Variants in ARVCF observed in about 807,000 individuals in gnomAD.
The protein encoded by ARVCF is ARVCF delta catenin family member.
Under a neutral mutation model 90.9 loss-of-function variants are expected in ARVCF, and 66 were observed. That is an observed-to-expected ratio of 0.73 (90% CI 0.60 to 0.89). The LOEUF (loss-of-function observed/expected upper bound fraction) is 0.89. Among genes scored for constraint, ARVCF ranks in the 40% least tolerant of loss-of-function variants. ARVCF has a pLI of 0.00. For synonymous variants in ARVCF, 653 were observed against 603.4 expected, an observed-to-expected ratio of 1.08 and a Z score of -1.21; for missense variants, 1,469 against 1,382.3, an observed-to-expected ratio of 1.06 and a Z score of -1.00.
At position 19,977,441 on chromosome 22, in the gene ARVCF, C is replaced by A; in HGVS notation, c.1844G>T (p.Ser615Ile). 6.5e-7 allele frequency: 1 copy of A among 1,547,330 alleles called. No homozygotes were observed. Among genetic ancestry groups the A allele is most frequent in the South Asian group, 1.2e-5 (1 of 82,390 alleles). ...TTTGGCCTTCTTGCCTCCAAAGCAG[C>A]TGGCATCATCCCGCCTCCGGCGCTG... ...GSQRRRRDDA[S>I]CFGGKKAKEE... Residue 615 changes from serine (S) to isoleucine (I), a missense_variant, in exon 9 of 20, where the codon AGC becomes ATC. Physicochemically the swap from Ser to Ile is moderately radical, Grantham distance 142 (BLOSUM62 -2). Transcript: ENST00000263207.
chr22:19,974,289 C>A (rs1943024393), intron 11 of ARVCF, 50 bp from the exon 12 acceptor site: 1 of 1,538,790 alleles, frequency 6.5e-7, no homozygotes, highest in East Asian at 2.3e-5. Flanking sequence ...CTGCTCTCAT[C>A]CATCATACCC....
chr22:19,972,064 G>C lies in ARVCF; in HGVS notation c.2696-93C>G, dbSNP rs1275842558. 3 of 1,265,596 alleles carry C rather than the reference G, an allele frequency of 2.4e-6. No individual in the cohort carries two copies. The African/African-American group carries it at 4.4e-5, about 19-fold the overall frequency. The allele number at this position is 1,265,596 out of a possible 1,614,324, so 78.4% of individuals were successfully genotyped here. On this transcript the variant is annotated intron_variant, in intron 17 of 19. Coordinates refer to ENST00000263207, the MANE Select transcript of ARVCF (RefSeq NM_001670.3). ...CTCAGCCCAGACACAGGGGACTCGT[G>C]GGACAGGGGCTTTGGGAGACAGCCC... is the stretch of plus-strand genomic sequence containing the variant.
rs368885256 is a variant in ARVCF, at chr22:19,979,013, C to T, written c.1464G>A (p.Thr488=). ...KMVIIDHGLQ[T]LTHEVIVPHS... Reference sequence around the variant, plus strand: ...GGGGCACGATCACCTCGTGGGTCAGCGTCTGCAGGCCATGGTCAATGATGA... The same window carrying T: ...GGGGCACGATCACCTCGTGGGTCAGTGTCTGCAGGCCATGGTCAATGATGA... The change falls in exon 7 of 20, where the codon ACG becomes ACA. Residue 488 remains threonine (T), a synonymous_variant. Coordinates refer to ENST00000263207, the MANE Select transcript of ARVCF (RefSeq NM_001670.3). 4.9e-5 allele frequency: 79 copies of T among 1,613,308 alleles called. No individual in the cohort carries two copies. Among genetic ancestry groups the T allele is most frequent in the Middle Eastern group, 3.3e-4 (2 of 6,080 alleles).
chr22:19,997,266 C>T (rs537379910), intron 2 of ARVCF, among the ~76,000 whole-genome samples: 3 of 152,234 alleles, frequency 2.0e-5, no homozygotes, highest in South Asian at 2.1e-4. Context: ...GCAGGCAGGA[C>T]GTGACAGGTG....
Position 19,972,430 on chromosome 22 carries a change from A to G in ARVCF, c.2642-19T>C, listed in dbSNP as rs375174769. ...TCGCCCTCTGCAAGGCAGGAGGAGG[A>G]GACGGGCTGCATGTGGCAGCCAGGG... On this transcript the variant is annotated intron_variant, in intron 16 of 19. Transcript: ENST00000263207. 1 of 1,607,518 alleles carries G rather than the reference A, an allele frequency of 6.2e-7. No homozygotes were observed. Among genetic ancestry groups the G allele is most frequent in the South Asian group, 1.1e-5 (1 of 90,502 alleles).
intron 12 of ARVCF, 113 bp downstream of exon 12, chr22:19,973,999 G>A (rs972797152): frequency 2.8e-5 from 43 of 1,513,100 alleles, no homozygotes; most frequent in Non-Finnish European, 3.7e-5. Context: ...TGGATCCTGG[G>A]GTGGTGGTGT....
chr22:19,980,639 G>A (rs1299983338), intron 5 of ARVCF: 1 of 213,986 alleles, frequency 4.7e-6, no homozygotes, highest in Non-Finnish European at 9.2e-6. Flanking sequence ...CTCTGGCTGT[G>A]CCAGGATGTA....
chr22:19,987,002 G>A (rs973310540), intron 3 of ARVCF: 2 of 641,170 alleles, frequency 3.1e-6, no homozygotes, highest in Non-Finnish European at 2.8e-6. Context: ...GGGTCCTCCC[G>A]GGCAGGCCGA....
rs1010732910 is a variant in ARVCF at position 19,977,901 on chromosome 22, G to A, written c.1698+57C>T. On this transcript the variant is annotated intron_variant, in intron 8 of 19. Transcript: ENST00000263207. ...TGCTCCCACAGTTCCAGCCTCCTGG[G>A]ACCTGCATGATCGTCTCTCCAGCCC... The A allele has an allele frequency of 7.5e-5, 115 of 1,526,138 alleles. 1 individual carries two copies. The highest frequency in any genetic ancestry group is 9.2e-5 in the Non-Finnish European group (103 of 1,125,238). The allele number at this position is 1,526,138 out of a possible 1,614,324, so 94.5% of individuals were successfully genotyped here.
At chr22:20,007,690 C>T (rs1944681606) in intron 2 of ARVCF, among the ~76,000 whole-genome samples, 1 of 152,232 alleles carries the variant, frequency 6.6e-6, no homozygotes, top group Non-Finnish European at 1.5e-5. Context: ...TGGGTTCCGC[C>T]TCCTTCAGCG....
chr22:19,985,540 G>A (rs534383284), intron 3 of ARVCF, among the ~76,000 whole-genome samples: 29 of 152,390 alleles, frequency 1.9e-4, no homozygotes, highest in Admixed American at 6.5e-4. Context: ...AAGGACAGAG[G>A]GGGCTGGGGT....
At chr22:19,973,412 GC>G in intron 13 of ARVCF, 95 bp from the exon 14 acceptor site, 1 of 1,433,858 alleles carries the variant, frequency 7.0e-7, no homozygotes, top group Non-Finnish European at 9.3e-7. Context: ...TGCCAGGAGA[GC>G]CCCTGGAGAC....
chr22:19,977,405 C>T lies in ARVCF; in HGVS notation c.1870+10G>A, dbSNP rs1601590115. 1 of 1,507,340 alleles carries T rather than the reference C, an allele frequency of 6.6e-7. No individual in the cohort carries two copies. Among genetic ancestry groups the T allele is most frequent in the South Asian group, 1.3e-5 (1 of 75,514 alleles). 93.4% of individuals were successfully genotyped at this position (1,507,340 alleles called of 1,614,324 possible). A position where few individuals can be genotyped will look rare whatever the true frequency, so the allele number is the denominator to read the frequency against. On this transcript the variant is annotated intron_variant, in intron 9 of 19. Coordinates refer to ENST00000263207, the MANE Select transcript of ARVCF (RefSeq NM_001670.3). ...ATGGTAGAGATGATACCCCAGTCCG[C>T]CCCACCCACCTTTGGCCTTCTTGCC...
chr22:19,982,339 G>C (rs1279500439), intron 3 of ARVCF, among the ~76,000 whole-genome samples: 1 of 152,194 alleles, frequency 6.6e-6, no homozygotes, highest in Non-Finnish European at 1.5e-5. Flanking sequence ...GGGGACCCTG[G>C]GGCTGGACCC....
intron 2 of ARVCF, among the ~76,000 whole-genome samples, chr22:20,002,889 G>C (rs938976818): frequency 3.9e-5 from 6 of 152,110 alleles, no homozygotes; most frequent in Admixed American, 2.0e-4. Flanking sequence ...GCTGCCCATT[G>C]GAAGCATTTT....
At position 20,016,383 on chromosome 22, in the gene ARVCF, A is replaced by C. The variant is rs559562519; in HGVS notation, c.-73+206T>G. 7.3e-5 allele frequency among the ~76,000 whole-genome samples: 11 copies of C among 151,682 alleles called. No homozygotes were observed. In the East Asian group the frequency reaches 2.2e-3, roughly 30 times the overall value. On this transcript the variant is annotated intron_variant, in intron 1 of 19. Coordinates refer to ENST00000263207, the MANE Select transcript of ARVCF (RefSeq NM_001670.3). ...GCCGGCCCGGGGTCTCGGACGCCGC[A>C]GAGCGCGCGGACAAGACGCGGGTGG...
chr22:19,970,443 C>T lies in ARVCF; in HGVS notation c.*313G>A, dbSNP rs1942689887. ...CCACCAGCCCCAAAGCCCAGCCAGG[C>T]ACCCTTCCCTGCCACCTCCCTGGGC... On this transcript the variant is annotated 3_prime_UTR_variant, in exon 20 of 20. Coordinates refer to ENST00000263207, the MANE Select transcript of ARVCF (RefSeq NM_001670.3). 1.8e-6 allele frequency: 2 copies of T among 1,086,690 alleles called. No individual in the cohort carries two copies. Among genetic ancestry groups the T allele is most frequent in the African/African-American group, 1.7e-5 (1 of 59,156 alleles). 67.3% of individuals were successfully genotyped at this position (1,086,690 alleles called of 1,614,324 possible). A position where few individuals can be genotyped will look rare whatever the true frequency, so the allele number is the denominator to read the frequency against.
downstream of ARVCF, chr22:19,965,352 T>C (rs1487540834): frequency 2.6e-5 from 4 of 151,930 alleles, no homozygotes; most frequent in East Asian, 7.7e-4. Flanking sequence ...AAAATATATA[T>C]ATATATTTTA....
At chr22:19,982,965 G>A (rs1943584202) in intron 3 of ARVCF, among the ~76,000 whole-genome samples, 3 of 152,236 alleles carry the variant, frequency 2.0e-5, no homozygotes, top group Admixed American at 6.5e-5. Context: ...CTACTGACTG[G>A]ACTTGCCAGT....
Sources: gnomAD v4.1 joint callset for allele counts (sites outside exome capture counted in the v4.1 genomes callset) on GRCh38, gnomAD v4.1.1 for gene constraint, MANE v1.5 for transcripts, NCBI Gene and HGNC (gene_info 2026-07-23, HGNC 2026-07-21) for gene names.